CLIP2: variants seen among roughly 807,000 people sequenced by gnomAD.
CLIP2 encodes the protein CAP-Gly domain-containing linker protein 2.
A neutral mutation model predicts 111.7 loss-of-function variants in CLIP2; 41 were observed. That is an observed-to-expected ratio of 0.37 (90% CI 0.29 to 0.48). The LOEUF is 0.48. CLIP2 is among the 20% of genes least tolerant of loss of function. The pLI, the probability that CLIP2 is intolerant of heterozygous loss-of-function variation, is 0.99. For missense variants in CLIP2, 1,160 were observed against 1,422.1 expected, an observed-to-expected ratio of 0.82 and a Z score of 2.96; for synonymous variants, 660 against 644.2, an observed-to-expected ratio of 1.02 and a Z score of -0.37.
In CLIP2 at chr7:74,376,638, C is replaced by T. The variant is rs767479757; in HGVS notation, c.2237C>T (p.Ala746Val). The change falls in exon 10 of 17, where the codon GCG becomes GTG. Residue 746 changes from alanine (A) to valine (V), a missense_variant. This residue lies in a region of CLIP2 where 676 missense variants were observed against 777.8 expected (regional missense o/e 0.87). Transcript: ENST00000223398. This position sits in a 1 kb window ranked among gnomAD's most constrained non-coding sequence, Gnocchi z 7.1. ...EKLDVEYRGQ[A>V]QAIEFLKEQI... ...CTGGACGTGGAGTACCGGGGCCAGG[C>T]GCAGGCTATCGAGTTCCTCAAGGAG... 5.2e-5 allele frequency: 84 copies of T among 1,613,266 alleles called. No homozygotes were observed. The highest frequency in any genetic ancestry group is 5.4e-5 in the Non-Finnish European group (64 of 1,179,900).
At chr7:74,402,934 G>C (rs1186060190) in intron 16 of CLIP2, among the ~76,000 whole-genome samples, 3 of 152,092 alleles carry the variant, frequency 2.0e-5, no homozygotes, top group Non-Finnish European at 4.4e-5. Context: ...AAACTGTCCA[G>C]GTGCAGTGGC....
At chr7:74,393,768 A>G (rs567691508) in intron 13 of CLIP2, among the ~76,000 whole-genome samples, 1 of 152,354 alleles carries the variant, frequency 6.6e-6, no homozygotes, top group African/African-American at 2.4e-5. Flanking sequence ...CTACAAATCT[A>G]ACACCTTTCT....
chr7:74,352,562 CTACT>C (rs1790035559), intron 3 of CLIP2, among the ~76,000 whole-genome samples: 1 of 152,016 alleles, frequency 6.6e-6, no homozygotes, highest in African/African-American at 2.4e-5. Flanking sequence ...TGAGTACTAT[CTACT>C]TAGTCATAGT....
chr7:74,374,593 C>T (rs1357541195), intron 9 of CLIP2, among the ~76,000 whole-genome samples: 8 of 152,110 alleles, frequency 5.3e-5, no homozygotes, highest in East Asian at 1.9e-4. Context: ...GGGTGGTGCA[C>T]GCCTGTAGTC....
chr7:74,384,534 C>T (rs1791031964), intron 11 of CLIP2, among the ~76,000 whole-genome samples: 1 of 150,314 alleles, frequency 6.7e-6, no homozygotes. Flanking sequence ...CAACCTCCGC[C>T]TCCCAGGTTC....
intron 3 of CLIP2, among the ~76,000 whole-genome samples, chr7:74,349,154 C>T (rs910913969): frequency 2.6e-5 from 4 of 151,726 alleles, no homozygotes; most frequent in Non-Finnish European, 2.9e-5. Context: ...AAGTACTGGT[C>T]GGGCATGGTA....
chr7:74,363,068 G>A (rs1165620334), intron 7 of CLIP2, among the ~76,000 whole-genome samples: 3 of 151,464 alleles, frequency 2.0e-5, no homozygotes, highest in African/African-American at 4.9e-5. Flanking sequence ...GCAATGGCAC[G>A]ATCTCAGCTC....
At chr7:74,355,218 T>C (rs1790113264) in intron 4 of CLIP2, among the ~76,000 whole-genome samples, 1 of 151,960 alleles carries the variant, frequency 6.6e-6, no homozygotes, top group Admixed American at 6.6e-5. Context: ...GGAAGAGGCT[T>C]GAGAGAGGCT....
intron 8 of CLIP2, among the ~76,000 whole-genome samples, chr7:74,372,423 C>T (rs1314637317): frequency 3.9e-5 from 4 of 102,596 alleles, no homozygotes; most frequent in African/African-American, 1.1e-4. Flanking sequence ...GGGAGTCGAG[C>T]GGGAATCCCG....
chr7:74,377,735 GAATT>G (rs1322919193), intron 10 of CLIP2, among the ~76,000 whole-genome samples: 2 of 152,106 alleles, frequency 1.3e-5, no homozygotes, highest in African/African-American at 4.8e-5. Flanking sequence ...AAGACAACAG[GAATT>G]AATTCATAGG....
intron 14 of CLIP2, among the ~76,000 whole-genome samples, chr7:74,398,385 C>T (rs1287407431): frequency 2.0e-5 from 3 of 152,082 alleles, no homozygotes; most frequent in African/African-American, 7.2e-5. Flanking sequence ...AGAAACCACC[C>T]CATCCCCATC....
chr7:74,361,022 TCA>T (rs1790311752), intron 7 of CLIP2, among the ~76,000 whole-genome samples: 1 of 151,878 alleles, frequency 6.6e-6, no homozygotes, highest in African/African-American at 2.4e-5. Context: ...ATGAGCCAGT[TCA>T]CACTCACAGT....
At chr7:74,296,517 C>T (rs1202367884) in intron 1 of CLIP2, among the ~76,000 whole-genome samples, 8 of 146,458 alleles carry the variant, frequency 5.5e-5, no homozygotes, top group Non-Finnish European at 7.5e-5. Flanking sequence ...GGGCCGAGCA[C>T]GGTGGCTCAC....
chr7:74,378,026 AG>A (rs1296822516), intron 10 of CLIP2, among the ~76,000 whole-genome samples: 1 of 152,132 alleles, frequency 6.6e-6, no homozygotes. Flanking sequence ...GGGTTTCGCC[AG>A]GTAGTCCAGG....
intron 2 of CLIP2, among the ~76,000 whole-genome samples, chr7:74,333,666 A>G (rs782020728): frequency 6.6e-6 from 1 of 151,598 alleles, no homozygotes; most frequent in Non-Finnish European, 1.5e-5. Flanking sequence ...ATTTTTTTGT[A>G]GAGACAGGGT....
At chr7:74,365,367 G>C (rs1473292056) in intron 8 of CLIP2, among the ~76,000 whole-genome samples, 1 of 152,100 alleles carries the variant, frequency 6.6e-6, no homozygotes, top group Non-Finnish European at 1.5e-5. Context: ...ACAGCATCGG[G>C]AGCTAAGCCC....
chr7:74,325,569 C>T (rs1057079307), intron 2 of CLIP2, among the ~76,000 whole-genome samples: 9 of 152,168 alleles, frequency 5.9e-5, no homozygotes, highest in South Asian at 4.1e-4. Flanking sequence ...TGGTGGCTCA[C>T]GCCTGTAATC....
intron 1 of CLIP2, among the ~76,000 whole-genome samples, chr7:74,313,541 C>G (rs1788694416): frequency 6.7e-6 from 1 of 149,866 alleles, no homozygotes. Flanking sequence ...GCCTGGGCGA[C>G]AGAGTGAGAC....
chr7:74,300,916 G>T (rs1251772592), intron 1 of CLIP2, among the ~76,000 whole-genome samples: 2 of 152,190 alleles, frequency 1.3e-5, no homozygotes, highest in African/African-American at 4.8e-5. Context: ...CCTTTGGATA[G>T]AATGAATCAT....
Sources: gnomAD v4.1 joint callset for allele counts (sites outside exome capture counted in the v4.1 genomes callset) on GRCh38, gnomAD v4.1.1 for gene constraint, gnomAD v4.1.1 regional missense constraint, Gnocchi (gnomAD v3.1) non-coding constraint, MANE v1.5 for transcripts, NCBI Gene and HGNC (gene_info 2026-07-23, HGNC 2026-07-21) for gene names.